Variants in STIM1 observed in about 807,000 individuals in gnomAD.
STIM1 encodes stromal interaction molecule 1.
In STIM1, 25 loss-of-function variants were observed where a neutral mutation model predicts 74.7. The observed-to-expected ratio is 0.33, with a 90% CI of 0.24 to 0.47. STIM1 has a LOEUF of 0.47. Ranked by LOEUF, STIM1 falls within the 20% of genes least tolerant of loss-of-function variation. The pLI is 1.00. For synonymous variants in STIM1, 328 were observed against 348.8 expected (o/e 0.94, Z 0.66); for missense variants, 728 against 920.8 (o/e 0.79, Z 2.71).
At chr11:3,997,999 C>G (rs766281092) in intron 2 of STIM1, among the ~76,000 whole-genome samples, 1 of 152,190 alleles carries the variant, frequency 6.6e-6, no homozygotes, top group African/African-American at 2.4e-5. Flanking sequence ...TCTACCTCCT[C>G]TATAGGTCTT....
rs1160388850 is a variant in STIM1, at chr11:4,086,684, C to T, written c.1634+141C>T. On this transcript the variant is annotated intron_variant, in intron 12 of 12. Coordinates refer to ENST00000526596, the MANE Select transcript of STIM1 (RefSeq NM_001382567.1). Reference sequence around the variant, plus strand: ...TCTGCCTCTGCTGCTGCTTCTTGCTCCTCTTCCATCACCACCATCACCACT... The same window carrying T: ...TCTGCCTCTGCTGCTGCTTCTTGCTTCTCTTCCATCACCACCATCACCACT... 3.9e-6 allele frequency: 6 copies of T among 1,541,972 alleles called. No individual in the cohort carries two copies. Among genetic ancestry groups the T allele is most frequent in the Middle Eastern group, 1.7e-4 (1 of 6,012 alleles).
chr11:3,974,234 C>G (rs2093423828), intron 2 of STIM1: 3 of 402,670 alleles, frequency 7.5e-6, no homozygotes, highest in Non-Finnish European at 1.3e-5. Context: ...CTGTCTTAGA[C>G]ATGATAGCAG....
At chr11:3,897,989 C>A (rs2092238264) in intron 1 of STIM1, among the ~76,000 whole-genome samples, 1 of 152,160 alleles carries the variant, frequency 6.6e-6, no homozygotes, top group South Asian at 2.1e-4. Flanking sequence ...GTGCATGTGT[C>A]TTTATAGCAG....
At chr11:3,880,366 A>G (rs1411029385) in intron 1 of STIM1, among the ~76,000 whole-genome samples, 2 of 152,110 alleles carry the variant, frequency 1.3e-5, no homozygotes, top group African/African-American at 4.8e-5. Context: ...CTTGGAAGCT[A>G]TTGGCTGATA....
At chr11:4,000,877 A>G (rs1375683576) in intron 2 of STIM1, among the ~76,000 whole-genome samples, 1 of 152,170 alleles carries the variant, frequency 6.6e-6, no homozygotes, top group East Asian at 1.9e-4. Context: ...TAACCAATAC[A>G]GAGAAGTGCT....
intron 12 of STIM1, chr11:4,086,957 G>A: frequency 6.9e-7 from 1 of 1,447,820 alleles, no homozygotes; most frequent in Non-Finnish European, 9.1e-7. Context: ...TCAACTCTGG[G>A]GGTGTGTGCA....
chr11:4,032,862 G>A (rs1565154843), intron 3 of STIM1, among the ~76,000 whole-genome samples: 1 of 152,144 alleles, frequency 6.6e-6, no homozygotes, highest in Non-Finnish European at 1.5e-5. Context: ...ATTTCTGATT[G>A]TTGCTTATAT....
At chr11:3,984,308 C>T (rs2093537124) in intron 2 of STIM1, among the ~76,000 whole-genome samples, 2 of 152,166 alleles carry the variant, frequency 1.3e-5, no homozygotes, top group Non-Finnish European at 2.9e-5. Context: ...TAGTTCTCTG[C>T]CTGTATCCTG....
chr11:4,003,314 A>T, intron 2 of STIM1, among the ~76,000 whole-genome samples: 1 of 151,576 alleles, frequency 6.6e-6, no homozygotes, highest in Non-Finnish European at 1.5e-5. Context: ...AATATCCTTG[A>T]TGAACATTGA....
chr11:3,889,382 T>G (rs2135368726), intron 1 of STIM1, among the ~76,000 whole-genome samples: 2 of 151,484 alleles, frequency 1.3e-5, no homozygotes, highest in South Asian at 4.2e-4. Context: ...TTTTTTTTTT[T>G]TTTGAGATAG....
intron 3 of STIM1, among the ~76,000 whole-genome samples, chr11:4,051,346 C>CT (rs202160322): frequency 0.26 from 36,796 of 143,404 alleles, 5,675 homozygotes; most frequent in South Asian, 0.46. Flanking sequence ...GGTAAATTGT[C>CT]TTTTTTTTTT....
At chr11:3,934,817 A>G (rs977107537) in intron 1 of STIM1, among the ~76,000 whole-genome samples, 9 of 152,220 alleles carry the variant, frequency 5.9e-5, no homozygotes, top group African/African-American at 2.2e-4. Flanking sequence ...CAGAGCACAG[A>G]TGTTATCTTT....
chr11:3,912,267 T>C (rs1325102794), intron 1 of STIM1, among the ~76,000 whole-genome samples: 8 of 108,752 alleles, frequency 7.4e-5, no homozygotes, highest in African/African-American at 2.8e-4. Flanking sequence ...TTCCCTCCCC[T>C]CCCCTCTCTT....
chr11:3,919,894 A>G (rs564251591), intron 1 of STIM1, among the ~76,000 whole-genome samples: 93 of 152,320 alleles, frequency 6.1e-4, no homozygotes, highest in African/African-American at 2.2e-3. Flanking sequence ...CCTGGACAAC[A>G]TAGCAAGAAT....
intron 1 of STIM1, among the ~76,000 whole-genome samples, chr11:3,964,448 A>G (rs150031083): frequency 2.8e-3 from 432 of 152,280 alleles, no homozygotes; most frequent in Middle Eastern, 0.017. Flanking sequence ...ATCCTTCTCT[A>G]TGTCATCTGA....
intron 2 of STIM1, among the ~76,000 whole-genome samples, chr11:4,002,120 T>G (rs2093723671): frequency 7.1e-6 from 1 of 141,014 alleles, no homozygotes; most frequent in South Asian, 2.5e-4. Context: ...AGACTTAGAC[T>G]CCCACACAAT....
intron 5 of STIM1, among the ~76,000 whole-genome samples, chr11:4,069,620 C>T (rs1002685452): frequency 3.4e-4 from 52 of 152,312 alleles, no homozygotes; most frequent in African/African-American, 1.2e-3. Context: ...TTATACCAGT[C>T]ATCTCCATTT....
rs189854838 is a variant in STIM1, at chr11:4,052,317, A to T, written c.386-3209A>T. ...CCAAAAGAACAAAGCTGGAGGCATC[A>T]TGCTACCTGACTTCAAACTATACTA... On this transcript the variant is annotated intron_variant, in intron 3 of 12. Transcript: ENST00000526596. Among the ~76,000 whole-genome samples the T allele has an allele frequency of 7.0e-3, 1,063 of 152,330 alleles. 8 individuals carry two copies. The highest frequency in any genetic ancestry group is 0.011 in the Non-Finnish European group (778 of 68,030).
intron 2 of STIM1, among the ~76,000 whole-genome samples, chr11:3,986,076 G>T (rs1023664812): frequency 6.6e-6 from 1 of 151,932 alleles, no homozygotes; most frequent in African/African-American, 2.4e-5. Context: ...CTATGTGCTG[G>T]ATGCTGGATA....
Sources: gnomAD v4.1 joint callset for allele counts (sites outside exome capture counted in the v4.1 genomes callset) on GRCh38, gnomAD v4.1.1 for gene constraint, MANE v1.5 for transcripts, NCBI Gene and HGNC (gene_info 2026-07-23, HGNC 2026-07-21) for gene names.